Variants in MAPK4 observed in about 807,000 individuals in gnomAD.
The protein encoded by MAPK4 is mitogen-activated protein kinase 4, also known as Erk3-related.
In MAPK4, 22 loss-of-function variants were observed where a neutral mutation model predicts 47.7. The ratio of observed to expected loss-of-function variants is 0.46; its 90% confidence interval spans 0.33 to 0.66. The LOEUF (loss-of-function observed/expected upper bound fraction) is 0.66. Among genes scored for constraint, MAPK4 ranks in the 30% least tolerant of loss-of-function variants. The pLI, the probability that MAPK4 is intolerant of heterozygous loss-of-function variation, is 0.02. For synonymous variants in MAPK4, 390 were observed against 365.7 expected (o/e 1.07, Z -0.76); for missense variants, 736 against 831.7 (o/e 0.88, Z 1.42).
chr18:50,570,825 A>C (rs2042243432), intron 1 of MAPK4, among the ~76,000 whole-genome samples: 1 of 152,238 alleles, frequency 6.6e-6, no homozygotes, highest in South Asian at 2.1e-4. Context: ...TACAAAAAGC[A>C]AAGTGTATTT....
chr18:50,661,208 G>T lies in MAPK4; in HGVS notation c.-870-1881G>T, dbSNP rs954302806. On this transcript the variant is annotated intron_variant, in intron 1 of 5. Transcript: ENST00000400384. ...GCTATGCCCTTGGGAGTCAGACCAGGCTTGTGGGGAGAAAGAGAAGCTTCA... is the reference window on the plus strand; with the variant it reads ...GCTATGCCCTTGGGAGTCAGACCAGTCTTGTGGGGAGAAAGAGAAGCTTCA... Among the ~76,000 whole-genome samples the T allele has an allele frequency of 2.6e-5, 4 of 152,176 alleles. No individual in the cohort carries two copies. The East Asian group carries it at 7.7e-4, about 29-fold the overall frequency.
chr18:50,702,279 C>T (rs1051158488), intron 2 of MAPK4, among the ~76,000 whole-genome samples: 21 of 151,624 alleles, frequency 1.4e-4, no homozygotes, highest in African/African-American at 4.1e-4. Flanking sequence ...TCAAGCTGGG[C>T]GTGGTGGTGC....
At chr18:50,626,421 G>T (rs140219258) in intron 1 of MAPK4, among the ~76,000 whole-genome samples, 2 of 152,094 alleles carry the variant, frequency 1.3e-5, no homozygotes, top group Non-Finnish European at 2.9e-5. Flanking sequence ...GCATCATGGC[G>T]TCTGCGGTCC....
At chr18:50,683,456 GTGT>G (rs1333087633) in intron 2 of MAPK4, among the ~76,000 whole-genome samples, 99 of 100,530 alleles carry the variant, frequency 9.8e-4, no homozygotes, top group Non-Finnish European at 1.5e-3. Context: ...GTGATGGGGT[GTGT>G]GTGTGTGTGT....
chr18:50,654,086 A>T (rs1224076476), intron 1 of MAPK4, among the ~76,000 whole-genome samples: 1 of 152,254 alleles, frequency 6.6e-6, no homozygotes, highest in Non-Finnish European at 1.5e-5. Flanking sequence ...TATACGGCAC[A>T]CATCTGCCAT....
At chr18:50,717,580 C>T (rs1200887517) in intron 3 of MAPK4, among the ~76,000 whole-genome samples, 1 of 152,048 alleles carries the variant, frequency 6.6e-6, no homozygotes, top group Non-Finnish European at 1.5e-5. Flanking sequence ...CCCCTGAATC[C>T]CACAAAATAT....
At chr18:50,653,711 GA>G (rs1479874706) in intron 1 of MAPK4, among the ~76,000 whole-genome samples, 2 of 152,218 alleles carry the variant, frequency 1.3e-5, no homozygotes, top group East Asian at 3.9e-4. Flanking sequence ...AATCTACTGA[GA>G]ATAGTTCCGC....
At chr18:50,719,199 C>T (rs1910797094) in intron 3 of MAPK4, among the ~76,000 whole-genome samples, 1 of 152,170 alleles carries the variant, frequency 6.6e-6, no homozygotes, top group Non-Finnish European at 1.5e-5. Flanking sequence ...CATTTGCCCC[C>T]TGGACTCTCA....
chr18:50,665,067 G>T (rs892921490), intron 2 of MAPK4, among the ~76,000 whole-genome samples: 1 of 152,140 alleles, frequency 6.6e-6, no homozygotes, highest in African/African-American at 2.4e-5. Context: ...CTGTTCTCCT[G>T]GGTCCCGTGA....
At chr18:50,680,129 T>C (rs965755413) in intron 2 of MAPK4, among the ~76,000 whole-genome samples, 1 of 143,568 alleles carries the variant, frequency 7.0e-6, no homozygotes, top group South Asian at 2.4e-4. Flanking sequence ...TTCGCTCTTG[T>C]CGTCCAGGCT....
At chr18:50,685,861 T>C (rs1908854093) in intron 2 of MAPK4, among the ~76,000 whole-genome samples, 1 of 152,128 alleles carries the variant, frequency 6.6e-6, no homozygotes, top group Admixed American at 6.5e-5. Flanking sequence ...TGGAGCATGC[T>C]GTTTTCTCGG....
Position 50,664,417 on chromosome 18 carries a change from C to T in MAPK4, c.459C>T (p.Ala153=). ...TGCTGCACAGGGACCTGAAGCCCGC[C>T]AACATCTTCATCAGCACAGAGGACC... The part of the protein sequence containing the change: ...ANVLHRDLKP[A]NIFISTEDLV... The change falls in exon 2 of 6, where the codon GCC becomes GCT. Residue 153 remains alanine (A), a synonymous_variant. Coordinates refer to ENST00000400384, the MANE Select transcript of MAPK4 (RefSeq NM_002747.4). This position sits in a 1 kb window ranked among gnomAD's most constrained non-coding sequence, Gnocchi z 6.0. 1.2e-6 allele frequency: 2 copies of T among 1,614,148 alleles called. No individual in the cohort carries two copies. Among genetic ancestry groups the T allele is most frequent in the Non-Finnish European group, 1.7e-6 (2 of 1,180,012 alleles).
At chr18:50,653,796 G>A (rs1024544541) in intron 1 of MAPK4, among the ~76,000 whole-genome samples, 1 of 152,208 alleles carries the variant, frequency 6.6e-6, no homozygotes, top group East Asian at 1.9e-4. Flanking sequence ...CAGCACCTAG[G>A]AGGCCCTCAA....
intron 1 of MAPK4, among the ~76,000 whole-genome samples, chr18:50,617,470 C>G (rs746029066): frequency 2.6e-5 from 4 of 152,160 alleles, no homozygotes; most frequent in African/African-American, 9.7e-5. Flanking sequence ...TTTCCAGGGA[C>G]TAAACCAGAC....
At chr18:50,688,537 T>C (rs1010800906) in intron 2 of MAPK4, among the ~76,000 whole-genome samples, 4 of 152,226 alleles carry the variant, frequency 2.6e-5, no homozygotes, top group African/African-American at 7.2e-5. Context: ...AATTTCAAGA[T>C]GACAGAGAAT....
chr18:50,689,023 C>A (rs563628731), intron 2 of MAPK4, among the ~76,000 whole-genome samples: 1 of 151,720 alleles, frequency 6.6e-6, no homozygotes, highest in East Asian at 1.9e-4. Context: ...CTTTGGGAGG[C>A]TGAGGCGGGC....
chr18:50,570,237 G>A (rs2042237866), intron 1 of MAPK4, among the ~76,000 whole-genome samples: 1 of 152,218 alleles, frequency 6.6e-6, no homozygotes, highest in Non-Finnish European at 1.5e-5. Flanking sequence ...CAGAAGTTGG[G>A]ATGGATATAT....
intron 3 of MAPK4, among the ~76,000 whole-genome samples, chr18:50,718,574 T>G (rs148692183): frequency 6.6e-6 from 1 of 152,268 alleles, no homozygotes; most frequent in Non-Finnish European, 1.5e-5. Context: ...TAGGAGCAGA[T>G]TTATCTAATA....
intron 2 of MAPK4, among the ~76,000 whole-genome samples, chr18:50,712,170 T>A (rs1300054482): frequency 6.6e-6 from 1 of 152,244 alleles, no homozygotes; most frequent in East Asian, 1.9e-4. Flanking sequence ...CTCATGCCTG[T>A]AATCCCAGCA....
Sources: gnomAD v4.1 joint callset for allele counts (sites outside exome capture counted in the v4.1 genomes callset) on GRCh38, gnomAD v4.1.1 for gene constraint, Gnocchi (gnomAD v3.1) non-coding constraint, MANE v1.5 for transcripts, NCBI Gene and HGNC (gene_info 2026-07-23, HGNC 2026-07-21) for gene names.